Variants in MAPK12 observed in about 807,000 individuals in gnomAD.
MAPK12 encodes the protein MAP kinase 12.
Under a neutral mutation model 49.1 loss-of-function variants are expected in MAPK12, and 49 were observed. That is an observed-to-expected ratio of 1.00 (90% CI 0.79 to 1.27). MAPK12 has a LOEUF of 1.27. Ranked by LOEUF, MAPK12 falls within the 50% of genes most tolerant of loss-of-function variation. MAPK12 has a pLI of 0.00. For synonymous variants in MAPK12, 251 were observed against 209.7 expected, an observed-to-expected ratio of 1.20 and a Z score of -1.70; for missense variants, 554 against 502.4, an observed-to-expected ratio of 1.10 and a Z score of -0.98.
In MAPK12 at chr22:50,256,931, T is replaced by C; in HGVS notation, c.456+4A>G. On this transcript the variant is annotated splice_donor_region_variant and intron_variant, in intron 5 of 11. Transcript: ENST00000215659. ...TGATGAGCGGCTTCTCCACCGGGACTCACTCTGTGGATGATGCCGGCAGCG... is the reference window on the plus strand; with the variant it reads ...TGATGAGCGGCTTCTCCACCGGGACCCACTCTGTGGATGATGCCGGCAGCG... 1 of 1,605,944 alleles carries C rather than the reference T, an allele frequency of 6.2e-7. No individual in the cohort carries two copies. The highest frequency in any genetic ancestry group is 8.5e-7 in the Non-Finnish European group (1 of 1,178,006).
chr22:50,261,280 G>A lies in MAPK12; in HGVS notation c.142C>T (p.Arg48Cys). 4.7e-6 allele frequency: 7 copies of A among 1,499,674 alleles called. No individual in the cohort carries two copies. Among genetic ancestry groups the A allele is most frequent in the South Asian group, 1.3e-5 (1 of 79,470 alleles). The allele number at this position is 1,499,674 out of a possible 1,614,324, so 92.9% of individuals were successfully genotyped here. The change falls in exon 2 of 12, where the codon CGC (arginine) becomes TGC (cysteine). Residue 48 changes from arginine to cysteine, a missense_variant. Coordinates refer to ENST00000215659, the MANE Select transcript of MAPK12 (RefSeq NM_002969.6). ...TTGATGGCCACCTTAGCGCCGGTGC[G>A]GCCGTCCACGGCCGAGCTGCGGGGC... ...YGAVCSAVDGRTGAKVAIKKL... is the reference protein window; with the variant it reads ...YGAVCSAVDGCTGAKVAIKKL...
intron 9 of MAPK12, 27 bp downstream of exon 9, chr22:50,255,588 C>A: frequency 6.2e-7 from 1 of 1,612,026 alleles, no homozygotes; most frequent in South Asian, 1.1e-5. Flanking sequence ...GCCCCCACCC[C>A]CACCCAGCTC....
rs552291092 is a variant in MAPK12 at position 50,261,083 on chromosome 22, A to T, written c.255+84T>A. 1.1e-5 allele frequency: 15 copies of T among 1,370,882 alleles called. No individual in the cohort carries two copies. In the South Asian group the frequency reaches 2.2e-4, roughly 20 times the overall value. 84.9% of individuals were successfully genotyped at this position (1,370,882 alleles called of 1,614,324 possible). On this transcript the variant is annotated intron_variant, in intron 2 of 11. Coordinates refer to ENST00000215659, the MANE Select transcript of MAPK12 (RefSeq NM_002969.6). ...GGCCCCACAGCAGGCTGCCTGGAGG[A>T]GGGGTTGCCGGGTGGGGGAACCCAG...
intron 2 of MAPK12, among the ~76,000 whole-genome samples, chr22:50,259,329 G>C (rs1039064063): frequency 6.6e-6 from 1 of 152,092 alleles, no homozygotes; most frequent in African/African-American, 2.4e-5. Flanking sequence ...GGAGAGCAGG[G>C]TCCTGTGGGC....
intron 11 of MAPK12, 146 bp from the exon 12 acceptor site, chr22:50,253,626 G>A: frequency 3.2e-6 from 2 of 624,432 alleles, no homozygotes; most frequent in Non-Finnish European, 5.8e-6. Flanking sequence ...GAGAAGGTTT[G>A]TGTGAAGAGG....
Position 50,257,769 on chromosome 22 carries a change from C to A in MAPK12, c.314+474G>T. 5.8e-6 allele frequency: 4 copies of A among 693,688 alleles called. No individual in the cohort carries two copies. The East Asian group carries it at 8.1e-5, about 14-fold the overall frequency. 43.0% of individuals were successfully genotyped at this position (693,688 alleles called of 1,614,324 possible). A position where few individuals can be genotyped will look rare whatever the true frequency, so the allele number is the denominator to read the frequency against. On this transcript the variant is annotated intron_variant, in intron 3 of 11. Transcript: ENST00000215659. ...GAGGCGCCTGCTACCCTCTCCAGGC[C>A]TTCCTCGGCCTGGCCCTTCACTCTT...
In MAPK12 at chr22:50,255,896, C is replaced by A. The variant is rs754200469; in HGVS notation, c.620-15G>T. On this transcript the variant is annotated splice_polypyrimidine_tract_variant and intron_variant, in intron 7 of 11. Coordinates refer to ENST00000215659, the MANE Select transcript of MAPK12 (RefSeq NM_002969.6). Reference sequence around the variant, plus strand: ...CCAGATGTCCACTGAGATAGAAGCCCTGGTCAGCTCCGTGGGCAGGGGGAC... The same window carrying A: ...CCAGATGTCCACTGAGATAGAAGCCATGGTCAGCTCCGTGGGCAGGGGGAC... 6.2e-7 allele frequency: 1 copy of A among 1,611,130 alleles called. No individual in the cohort carries two copies. Among genetic ancestry groups the A allele is most frequent in the Non-Finnish European group, 8.5e-7 (1 of 1,178,904 alleles).
intron 3 of MAPK12, 31 bp from the exon 4 acceptor site, chr22:50,257,224 A>G (rs1452450457): frequency 1.9e-6 from 3 of 1,572,266 alleles, no homozygotes; most frequent in Admixed American, 1.7e-5. Flanking sequence ...CTGTCAGCGG[A>G]CAGAGCCAGC....
chr22:50,261,523 G>A lies in MAPK12; in HGVS notation c.-14C>T. 8 of 1,147,534 alleles carry A rather than the reference G, an allele frequency of 7.0e-6. 1 individual carries two copies. The highest frequency in any genetic ancestry group is 8.7e-6 in the Non-Finnish European group (8 of 918,988). 71.1% of individuals were successfully genotyped at this position (1,147,534 alleles called of 1,614,324 possible). On this transcript the variant is annotated 5_prime_UTR_variant, in exon 1 of 12. Coordinates refer to ENST00000215659, the MANE Select transcript of MAPK12 (RefSeq NM_002969.6). ...CGGAGAGCTCATGGCAGGCCCGGGAGCTGCCCACCCCGCAGAGCCTGCGGG... is the reference window on the plus strand; with the variant it reads ...CGGAGAGCTCATGGCAGGCCCGGGAACTGCCCACCCCGCAGAGCCTGCGGG...
Position 50,253,058 on chromosome 22 carries a change from G to T in MAPK12, c.*343C>A, listed in dbSNP as rs1291229878. On this transcript the variant is annotated 3_prime_UTR_variant, in exon 12 of 12. Coordinates refer to ENST00000215659, the MANE Select transcript of MAPK12 (RefSeq NM_002969.6). Reference sequence around the variant, plus strand: ...TGCGCCCACCCTCTGTCCTTCCTCTGCATGGCCCAGAGCAGGCAGGGCTCA... The same window carrying T: ...TGCGCCCACCCTCTGTCCTTCCTCTTCATGGCCCAGAGCAGGCAGGGCTCA... 2.6e-6 allele frequency: 1 copy of T among 382,074 alleles called. No individual in the cohort carries two copies. The highest frequency in any genetic ancestry group is 6.1e-5 in the East Asian group (1 of 16,470). 23.7% of individuals were successfully genotyped at this position (382,074 alleles called of 1,614,324 possible). A position where few individuals can be genotyped will look rare whatever the true frequency, so the allele number is the denominator to read the frequency against.
At chr22:50,260,504 G>A (rs931752979) in intron 2 of MAPK12, among the ~76,000 whole-genome samples, 11 of 152,116 alleles carry the variant, frequency 7.2e-5, no homozygotes, top group Non-Finnish European at 1.6e-4. Flanking sequence ...CATGGGAGAG[G>A]CCCAGGGCAG....
intron 2 of MAPK12, among the ~76,000 whole-genome samples, chr22:50,260,118 T>A (rs967847596): frequency 7.9e-5 from 12 of 151,458 alleles, no homozygotes; most frequent in African/African-American, 2.9e-4. Context: ...CAAATGGATT[T>A]CACAGGGCCC....
intron 11 of MAPK12, 23 bp from the exon 12 acceptor site, chr22:50,253,503 C>CG: frequency 2.8e-6 from 2 of 711,942 alleles, no homozygotes; most frequent in Admixed American, 3.0e-5. Context: ...GGGGGGCGGG[C>CG]ACAACAGAGA....
intron 3 of MAPK12, chr22:50,257,961 C>T: frequency 1.3e-6 from 1 of 768,418 alleles, no homozygotes; most frequent in Non-Finnish European, 2.4e-6. Flanking sequence ...AACAAATGGT[C>T]AGGTCCAAGG....
rs1238422681 is a variant in MAPK12, at chr22:50,256,599, C to A, written c.504G>T (p.Lys168Asn). 3 of 1,611,622 alleles carry A rather than the reference C, an allele frequency of 1.9e-6. No individual in the cohort carries two copies. The Admixed American group carries it at 5.0e-5, about 27-fold the overall frequency. The change falls in exon 6 of 12, where the codon AAG becomes AAT. Residue 168 changes from lysine to asparagine, a missense_variant and splice_region_variant. Lys to Asn is a moderately conservative substitution (Grantham distance 94). Coordinates refer to ENST00000215659, the MANE Select transcript of MAPK12 (RefSeq NM_002969.6). ...NLAVNEDCELKILDFGLARQA... is the reference protein window; with the variant it reads ...NLAVNEDCELNILDFGLARQA... ...GGGCCCCCTGCCAGGCAGCACACACCTTCAGCTCACAGTCTTCGTTCACAG... is the reference window on the plus strand; with the variant it reads ...GGGCCCCCTGCCAGGCAGCACACACATTCAGCTCACAGTCTTCGTTCACAG...
chr22:50,256,530 G>C lies in MAPK12; in HGVS notation c.504+69C>G, dbSNP rs1447926072. On this transcript the variant is annotated intron_variant, in intron 6 of 11. Transcript: ENST00000215659. ...TTGGCCCCCTGCCCAGGCCTGACAG[G>C]TGGATAGATGGGCAGATCCAGAGGG... 9.6e-6 allele frequency: 15 copies of C among 1,556,768 alleles called. No homozygotes were observed. In the Admixed American group the frequency reaches 2.1e-4, roughly 22 times the overall value.
chr22:50,255,931 C>A, intron 7 of MAPK12, 50 bp from the exon 8 acceptor site: 2 of 1,578,882 alleles, frequency 1.3e-6, no homozygotes, highest in Non-Finnish European at 1.7e-6. Context: ...CAGGATGAGA[C>A]GGGGAGGGAG....
rs45489901 is a variant in MAPK12 at position 50,255,270 on chromosome 22, C to T, written c.951G>A (p.Thr317=). The change falls in exon 11 of 12, where the codon ACG becomes ACA. Residue 317 remains threonine, a synonymous_variant. Coordinates refer to ENST00000215659, the MANE Select transcript of MAPK12 (RefSeq NM_002969.6). ...AHPYFESLHD[T]EDEPQVQKYD... ...ACTTCTGGACCTGGGGCTCATCTTC[C>T]GTGTCGTGCAGGGACTCGAAGTAGG... The T allele has an allele frequency of 1.0e-3, 1,623 of 1,613,916 alleles. 5 individuals carry two copies. Among genetic ancestry groups the T allele is most frequent in the Admixed American group, 2.8e-3 (166 of 60,026 alleles).
At chr22:50,257,551 G>A (rs1469085200) in intron 3 of MAPK12, 1 of 529,734 alleles carries the variant, frequency 1.9e-6, no homozygotes, top group Non-Finnish European at 3.4e-6. Flanking sequence ...AGTCTTCACA[G>A]GCAGGGGAGG....
Sources: gnomAD v4.1 joint callset for allele counts (sites outside exome capture counted in the v4.1 genomes callset) on GRCh38, gnomAD v4.1.1 for gene constraint, MANE v1.5 for transcripts, NCBI Gene and HGNC (gene_info 2026-07-23, HGNC 2026-07-21) for gene names.